Variants in PRKAG2 observed in about 807,000 individuals in gnomAD.
PRKAG2 encodes protein kinase AMP-activated non-catalytic subunit gamma 2.
In PRKAG2, 26 loss-of-function variants were observed where a neutral mutation model predicts 69.6. That is an observed-to-expected ratio of 0.37 (90% CI 0.27 to 0.52). The LOEUF (loss-of-function observed/expected upper bound fraction) is 0.52, where lower values mean the gene tolerates loss of function less well. PRKAG2 is among the 20% of genes least tolerant of loss of function. The pLI is 0.90. For synonymous variants in PRKAG2, 293 were observed against 285.0 expected, an observed-to-expected ratio of 1.03 and a Z score of -0.28; for missense variants, 557 against 740.0, an observed-to-expected ratio of 0.75 and a Z score of 2.87.
intron 1 of PRKAG2, among the ~76,000 whole-genome samples, chr7:151,853,109 G>A (rs1412741399): frequency 6.6e-6 from 1 of 152,182 alleles, no homozygotes; most frequent in Admixed American, 6.5e-5. Context: ...GAGAGCTCGG[G>A]ACCCAGGAGA....
intron 3 of PRKAG2, among the ~76,000 whole-genome samples, chr7:151,693,412 C>T (rs1836018493): frequency 6.6e-6 from 1 of 152,210 alleles, no homozygotes; most frequent in Non-Finnish European, 1.5e-5. Flanking sequence ...ATATGCCCCA[C>T]CCGTCCCTCC....
At chr7:151,566,380 A>G (rs1232032686) in intron 11 of PRKAG2, among the ~76,000 whole-genome samples, 1 of 152,138 alleles carries the variant, frequency 6.6e-6, no homozygotes, top group Non-Finnish European at 1.5e-5. Flanking sequence ...CCGCCTCTAC[A>G]TCCTGAATTC....
chr7:151,582,123 C>T (rs924590298), intron 6 of PRKAG2, among the ~76,000 whole-genome samples: 1 of 152,114 alleles, frequency 6.6e-6, no homozygotes, highest in Non-Finnish European at 1.5e-5. Context: ...TAATTTCAGA[C>T]AGTATCGGTC....
chr7:151,558,473 G>A, intron 15 of PRKAG2: 1 of 983,498 alleles, frequency 1.0e-6, no homozygotes, highest in Non-Finnish European at 1.2e-6. Context: ...CTCTACTGAA[G>A]AAATTGGGGC....
intron 3 of PRKAG2, among the ~76,000 whole-genome samples, chr7:151,690,231 C>T (rs1313889399): frequency 1.3e-5 from 2 of 152,128 alleles, no homozygotes; most frequent in Non-Finnish European, 2.9e-5. Context: ...GGGAAAGGAG[C>T]CCTCTTGCTA....
intron 3 of PRKAG2, among the ~76,000 whole-genome samples, chr7:151,763,464 C>T (rs998495133): frequency 3.3e-5 from 5 of 152,248 alleles, no homozygotes; most frequent in African/African-American, 1.2e-4. Context: ...CTGGCTCTTG[C>T]ACAAGCACCA....
At chr7:151,597,832 G>T (rs56186253) in intron 5 of PRKAG2, among the ~76,000 whole-genome samples, 4 of 65,924 alleles carry the variant, frequency 6.1e-5, no homozygotes, top group Non-Finnish European at 1.5e-4. Flanking sequence ...CCCCCCCCCC[G>T]CTCTTTTATT....
intron 3 of PRKAG2, among the ~76,000 whole-genome samples, chr7:151,761,836 T>G (rs1018199155): frequency 6.6e-6 from 1 of 152,242 alleles, no homozygotes; most frequent in Non-Finnish European, 1.5e-5. Context: ...CCTTGTGCCT[T>G]GACCTTTGTC....
intron 3 of PRKAG2, among the ~76,000 whole-genome samples, chr7:151,711,753 G>A (rs951975348): frequency 2.6e-5 from 4 of 152,230 alleles, no homozygotes; most frequent in Admixed American, 1.3e-4. Context: ...CATCACAGAA[G>A]TGTTTAAACT....
At chr7:151,709,039 T>C (rs772642166) in intron 3 of PRKAG2, among the ~76,000 whole-genome samples, 5 of 152,106 alleles carry the variant, frequency 3.3e-5, no homozygotes, top group Non-Finnish European at 7.4e-5. Context: ...GGTGACACTG[T>C]GACACTGTCA....
intron 1 of PRKAG2, among the ~76,000 whole-genome samples, chr7:151,859,266 C>G (rs1269699814): frequency 6.6e-6 from 1 of 152,176 alleles, no homozygotes; most frequent in Non-Finnish European, 1.5e-5. Context: ...TCAGACGGGG[C>G]GGGGCGAGGT....
chr7:151,842,597 G>T (rs1255311654), intron 1 of PRKAG2, among the ~76,000 whole-genome samples: 9 of 146,686 alleles, frequency 6.1e-5, no homozygotes, highest in African/African-American at 2.3e-4. Context: ...TGGTAGGTAG[G>T]GATGGTAGTG....
chr7:151,831,685 C>G (rs912077313), intron 1 of PRKAG2, among the ~76,000 whole-genome samples: 1 of 152,174 alleles, frequency 6.6e-6, no homozygotes. Context: ...TATGTTCCCC[C>G]CCTTGCACGC....
intron 1 of PRKAG2, among the ~76,000 whole-genome samples, chr7:151,859,304 C>T (rs978075749): frequency 6.6e-6 from 1 of 152,244 alleles, no homozygotes; most frequent in South Asian, 2.1e-4. Flanking sequence ...CCCTGCTGCA[C>T]ACGGTAGCGA....
intron 1 of PRKAG2, among the ~76,000 whole-genome samples, chr7:151,819,501 T>A (rs1233656996): frequency 6.6e-6 from 1 of 152,154 alleles, no homozygotes; most frequent in Non-Finnish European, 1.5e-5. Context: ...GTGCTGAGAT[T>A]AGATTAGCTG....
intron 1 of PRKAG2, among the ~76,000 whole-genome samples, chr7:151,800,005 C>T (rs2077746643): frequency 6.6e-6 from 1 of 152,158 alleles, no homozygotes; most frequent in African/African-American, 2.4e-5. Flanking sequence ...TGAACCTCTA[C>T]CCCCTCAGTG....
rs1248421409 is a variant in PRKAG2 at position 151,556,478 on chromosome 7, C to T, written c.*723G>A. On this transcript the variant is annotated 3_prime_UTR_variant, in exon 16 of 16. Coordinates refer to ENST00000287878, the MANE Select transcript of PRKAG2 (RefSeq NM_016203.4). ...GCAGCGGCTATTTCAGAAGTCATGT[C>T]CTTTCCAGATCCAAACTTAAATAAT... The T allele has an allele frequency of 6.6e-6, 1 of 152,656 alleles. No individual in the cohort carries two copies. The highest frequency in any genetic ancestry group is 1.9e-4 in the East Asian group (1 of 5,206). The allele number at this position is 152,656 out of a possible 1,614,324, so 9.5% of individuals were successfully genotyped here.
intron 1 of PRKAG2, among the ~76,000 whole-genome samples, chr7:151,875,011 G>A (rs2080352472): frequency 6.6e-6 from 1 of 152,246 alleles, no homozygotes; most frequent in Non-Finnish European, 1.5e-5. Flanking sequence ...GTAGTTACAC[G>A]GTTAGCTCAA....
intron 1 of PRKAG2, among the ~76,000 whole-genome samples, chr7:151,853,288 C>G (rs2079622838): frequency 6.6e-6 from 1 of 152,034 alleles, no homozygotes; most frequent in Non-Finnish European, 1.5e-5. Flanking sequence ...AGGAGAAAGT[C>G]GGTTTCAGAA....
Sources: allele counts gnomAD v4.1 joint callset (sites outside exome capture counted in the v4.1 genomes callset), GRCh38; gene constraint gnomAD v4.1.1; transcripts MANE v1.5; gene names NCBI Gene and HGNC (gene_info 2026-07-23, HGNC 2026-07-21).